CECR2: variants seen among roughly 807,000 people sequenced by gnomAD.
The protein encoded by CECR2 is CECR2 histone acetyl-lysine reader.
A neutral mutation model predicts 154.5 loss-of-function variants in CECR2; 30 were observed. The ratio of observed to expected loss-of-function variants is 0.19; its 90% CI spans 0.15 to 0.26. The LOEUF (loss-of-function observed/expected upper bound fraction) is 0.26, where lower values mean the gene tolerates loss of function less well. Ranked by LOEUF, CECR2 falls within the 10% of genes least tolerant of loss-of-function variation. The pLI is 1.00. For synonymous variants in CECR2, 725 were observed against 683.7 expected, an observed-to-expected ratio of 1.06 and a Z score of -0.94; for missense variants, 1,743 against 1,829.3, an observed-to-expected ratio of 0.95 and a Z score of 0.86.
At chr22:17,428,798 T>TGTG (rs2054371930) in intron 1 of CECR2, among the ~76,000 whole-genome samples, 2 of 136,336 alleles carry the variant, frequency 1.5e-5, no homozygotes, top group Non-Finnish European at 3.1e-5. Context: ...ATGTTTTTAT[T>TGTG]TGTGTGTGTG....
intron 2 of CECR2, among the ~76,000 whole-genome samples, chr22:17,482,246 A>G (rs1430041035): frequency 6.6e-6 from 1 of 150,778 alleles, no homozygotes. Context: ...AACATGGTGA[A>G]ACCCCGTCTC....
intron 1 of CECR2, among the ~76,000 whole-genome samples, chr22:17,410,516 C>T (rs987696829): frequency 4.6e-5 from 7 of 152,012 alleles, no homozygotes; most frequent in African/African-American, 1.2e-4. Flanking sequence ...GGTGCAGTCT[C>T]GGCTCACTGC....
chr22:17,416,058 A>C (rs1279817733), intron 1 of CECR2, among the ~76,000 whole-genome samples: 1 of 152,182 alleles, frequency 6.6e-6, no homozygotes, highest in East Asian at 1.9e-4. Flanking sequence ...GTGTTGGATT[A>C]AAATGGTGAC....
chr22:17,554,466 G>C lies in CECR2; in HGVS notation c.*1626G>C, dbSNP rs1013733238. ...CGTGTTTACAGTTTGCTAAACATAT[G>C]CTGTCCGTGGAAAAGGAAGCTAATC... is the stretch of plus-strand genomic sequence containing the variant. On this transcript the variant is annotated 3_prime_UTR_variant, in exon 19 of 19. Coordinates refer to ENST00000262608, the MANE Select transcript of CECR2 (RefSeq NM_001290047.2). 1.3e-5 allele frequency: 2 copies of C among 152,122 alleles called. No homozygotes were observed. Among genetic ancestry groups the C allele is most frequent in the African/African-American group, 4.8e-5 (2 of 41,408 alleles). 9.4% of individuals were successfully genotyped at this position (152,122 alleles called of 1,614,324 possible).
chr22:17,432,015 G>T (rs546498604), intron 1 of CECR2, among the ~76,000 whole-genome samples: 2 of 149,756 alleles, frequency 1.3e-5, no homozygotes, highest in South Asian at 4.2e-4. Flanking sequence ...GACATTTCCT[G>T]TAAGTGGAAT....
In CECR2 at chr22:17,548,143, T is replaced by TTTG; in HGVS notation, c.2861-5_2861-4insTTG. 2.1e-6 allele frequency: 3 copies of TTTG among 1,462,542 alleles called. No homozygotes were observed. Among genetic ancestry groups the TTTG allele is most frequent in the South Asian group, 1.4e-5 (1 of 73,640 alleles). 90.6% of individuals were successfully genotyped at this position (1,462,542 alleles called of 1,614,324 possible). A position where few individuals can be genotyped will look rare whatever the true frequency, so the allele number is the denominator to read the frequency against. ...TTTTTCTCCTCTTTTTTTTTTTTTTTGCAGCAGAGCCGTTGCCTGGCCTTG... is the reference window on the plus strand; with the variant it reads ...TTTTTCTCCTCTTTTTTTTTTTTTTTTTGGCAGCAGAGCCGTTGCCTGGCCTTG... On this transcript the variant is annotated splice_region_variant and splice_polypyrimidine_tract_variant and intron_variant, in intron 16 of 18. Coordinates refer to ENST00000262608, the MANE Select transcript of CECR2 (RefSeq NM_001290047.2).
At chr22:17,366,003 C>G (rs1225856407), upstream of CECR2, among the ~76,000 whole-genome samples, 1 of 151,884 alleles carries the variant, frequency 6.6e-6, no homozygotes, top group Admixed American at 6.6e-5. Flanking sequence ...AACAGAAAAA[C>G]CAAACGAATT....
chr22:17,376,634 CT>C (rs199665736), intron 1 of CECR2, among the ~76,000 whole-genome samples: 2 of 145,564 alleles, frequency 1.4e-5, no homozygotes, highest in African/African-American at 2.7e-5. Context: ...AACACATTTT[CT>C]TTTTTTTTGT....
intron 1 of CECR2, among the ~76,000 whole-genome samples, chr22:17,377,958 A>G (rs1195469805): frequency 2.6e-5 from 4 of 152,142 alleles, no homozygotes; most frequent in East Asian, 1.9e-4. Context: ...AAGCTGTTAT[A>G]TGAGGAATGT....
chr22:17,386,189 C>T (rs1293754514), intron 1 of CECR2, among the ~76,000 whole-genome samples: 1 of 152,014 alleles, frequency 6.6e-6, no homozygotes, highest in Non-Finnish European at 1.5e-5. Context: ...GGAAAAGAGC[C>T]TTTGAGTTGG....
intron 17 of CECR2, 78 bp from the exon 18 acceptor site, chr22:17,551,953 C>T (rs2056714373): frequency 7.3e-6 from 10 of 1,361,634 alleles, no homozygotes; most frequent in East Asian, 2.3e-5. Flanking sequence ...GCAGTACCCT[C>T]GTGACTACAG....
At chr22:17,499,753 T>A (rs1310663132) in intron 4 of CECR2, among the ~76,000 whole-genome samples, 3 of 152,190 alleles carry the variant, frequency 2.0e-5, no homozygotes, top group Non-Finnish European at 4.4e-5. Flanking sequence ...TATACTTTTT[T>A]AATCTGAAGT....
chr22:17,419,510 G>GAA (rs2054209310), intron 1 of CECR2: 8 of 165,136 alleles, frequency 4.8e-5, no homozygotes, highest in Non-Finnish European at 8.9e-5. Flanking sequence ...AGGAAGAGGA[G>GAA]GAAGAAGAAG....
At chr22:17,451,150 A>G (rs1461602274) in intron 1 of CECR2, among the ~76,000 whole-genome samples, 1 of 152,232 alleles carries the variant, frequency 6.6e-6, no homozygotes, top group Non-Finnish European at 1.5e-5. Flanking sequence ...GACAAAATTG[A>G]TTTAAGTAGA....
intron 14 of CECR2, among the ~76,000 whole-genome samples, chr22:17,541,400 G>A (rs2056520140): frequency 6.6e-6 from 1 of 152,238 alleles, no homozygotes; most frequent in African/African-American, 2.4e-5. Context: ...AGCTGAGATC[G>A]TGCCACTGCA....
At chr22:17,405,638 TCAAAA>T (rs2053972215) in intron 1 of CECR2, among the ~76,000 whole-genome samples, 1 of 56,182 alleles carries the variant, frequency 1.8e-5, no homozygotes. Context: ...AGACTCCATC[TCAAAA>T]AAAAAAAAAA....
chr22:17,406,160 T>C (rs936630295), intron 1 of CECR2, among the ~76,000 whole-genome samples: 4 of 152,248 alleles, frequency 2.6e-5, no homozygotes, highest in African/African-American at 4.8e-5. Flanking sequence ...TCCTTTTAAA[T>C]GTATTGAGAC....
intron 1 of CECR2, 59 bp from the exon 2 acceptor site, chr22:17,477,529 G>A: frequency 9.0e-7 from 1 of 1,107,494 alleles, no homozygotes; most frequent in East Asian, 2.3e-5. Flanking sequence ...GGTAGGAAGG[G>A]GTGTGTATTT....
At chr22:17,442,034 A>G (rs2054592200) in intron 1 of CECR2, among the ~76,000 whole-genome samples, 1 of 152,190 alleles carries the variant, frequency 6.6e-6, no homozygotes, top group African/African-American at 2.4e-5. Flanking sequence ...ACCATCTTCT[A>G]CTAGAATCAA....
Sources: allele counts gnomAD v4.1 joint callset (sites outside exome capture counted in the v4.1 genomes callset), GRCh38; gene constraint gnomAD v4.1.1; transcripts MANE v1.5; gene names NCBI Gene and HGNC (gene_info 2026-07-23, HGNC 2026-07-21).